NLGN1: variants seen among roughly 807,000 people sequenced by gnomAD.
NLGN1 encodes the protein neuroligin 1.
Under a neutral mutation model 65.5 loss-of-function variants are expected in NLGN1, and 12 were observed. The ratio of observed to expected loss-of-function variants is 0.18; its 90% confidence interval spans 0.12 to 0.30. The LOEUF is 0.30. Ranked by LOEUF, NLGN1 falls within the 10% of genes least tolerant of loss-of-function variation. NLGN1 has a pLI of 1.00. For missense variants in NLGN1, 750 were observed against 1,007.1 expected, an observed-to-expected ratio of 0.74 and a Z score of 3.46; for synonymous variants, 350 against 359.5, an observed-to-expected ratio of 0.97 and a Z score of 0.30.
intron 4 of NLGN1, among the ~76,000 whole-genome samples, chr3:173,839,635 A>G (rs777093518): frequency 6.6e-6 from 1 of 152,038 alleles, no homozygotes; most frequent in Non-Finnish European, 1.5e-5. Context: ...GTTGGCCAGG[A>G]TGGTCTCAAT....
chr3:174,253,233 C>T (rs1328477847), intron 4 of NLGN1, among the ~76,000 whole-genome samples: 1 of 152,044 alleles, frequency 6.6e-6, no homozygotes, highest in Admixed American at 6.6e-5. Flanking sequence ...TTGTAAGTGG[C>T]ATAATAACAA....
At chr3:173,568,672 G>A (rs1302766922) in intron 2 of NLGN1, among the ~76,000 whole-genome samples, 1 of 151,552 alleles carries the variant, frequency 6.6e-6, no homozygotes, top group African/African-American at 2.4e-5. Flanking sequence ...GGAGTGTCTA[G>A]GACTTTTTTG....
chr3:173,782,415 A>G (rs73880581), intron 3 of NLGN1, among the ~76,000 whole-genome samples: 5,036 of 152,296 alleles, frequency 0.033, 283 homozygotes, highest in African/African-American at 0.12. Context: ...TAGAAATGTT[A>G]TAAGAAATAA....
At chr3:173,828,092 C>T (rs1721733630) in intron 4 of NLGN1, among the ~76,000 whole-genome samples, 1 of 152,006 alleles carries the variant, frequency 6.6e-6, no homozygotes, top group South Asian at 2.1e-4. Context: ...ATTCTGCTGG[C>T]TTAAAGAAAA....
chr3:173,633,517 T>C (rs1479795556), intron 3 of NLGN1, among the ~76,000 whole-genome samples: 1 of 152,174 alleles, frequency 6.6e-6, no homozygotes, highest in Non-Finnish European at 1.5e-5. Context: ...TGTAAGTTCC[T>C]GGAAAGAGGA....
chr3:173,832,250 C>A (rs376201981), intron 4 of NLGN1, among the ~76,000 whole-genome samples: 10 of 152,154 alleles, frequency 6.6e-5, no homozygotes, highest in Non-Finnish European at 8.8e-5. Flanking sequence ...AGGCATGATC[C>A]ACTGCACCTG....
intron 3 of NLGN1, among the ~76,000 whole-genome samples, chr3:173,608,595 G>A (rs1252502542): frequency 6.6e-6 from 1 of 151,826 alleles, no homozygotes; most frequent in Non-Finnish European, 1.5e-5. Context: ...GAAAAGTTAG[G>A]TATTCCAACC....
chr3:173,714,649 A>T (rs569450909), intron 3 of NLGN1, among the ~76,000 whole-genome samples: 1 of 152,222 alleles, frequency 6.6e-6, no homozygotes, highest in African/African-American at 2.4e-5. Context: ...GGAGCAAGTG[A>T]TCTCTAAACT....
intron 3 of NLGN1, among the ~76,000 whole-genome samples, chr3:173,710,542 G>C (rs1365469128): frequency 2.0e-5 from 3 of 152,098 alleles, no homozygotes; most frequent in Non-Finnish European, 2.9e-5. Context: ...AATTTCCTAG[G>C]ACTTGGTTTA....
chr3:174,153,682 A>ACTTTT (rs1471039074), intron 4 of NLGN1, among the ~76,000 whole-genome samples: 12 of 152,238 alleles, frequency 7.9e-5, no homozygotes, highest in Non-Finnish European at 1.5e-4. Flanking sequence ...AAAATCAGCT[A>ACTTTT]CATATTGAGC....
intron 2 of NLGN1, among the ~76,000 whole-genome samples, chr3:173,557,278 A>G (rs1260589351): frequency 2.6e-5 from 4 of 151,950 alleles, no homozygotes; most frequent in African/African-American, 4.8e-5. Flanking sequence ...GCCACACCAG[A>G]TCTCTTGTAA....
At chr3:173,695,106 A>AT (rs1472961789) in intron 3 of NLGN1, among the ~76,000 whole-genome samples, 8 of 152,290 alleles carry the variant, frequency 5.3e-5, no homozygotes, top group Admixed American at 3.9e-4. Flanking sequence ...AAAATTAGTC[A>AT]TTTTTTTAAA....
chr3:173,733,377 GAATTGAT>G (rs71964203), intron 3 of NLGN1, among the ~76,000 whole-genome samples: 24,858 of 151,926 alleles, frequency 0.16, 2,047 homozygotes, highest in Non-Finnish European at 0.19. Flanking sequence ...ATTATCACTG[GAATTGAT>G]AAGCTTAATG....
intron 4 of NLGN1, among the ~76,000 whole-genome samples, chr3:174,148,856 C>T (rs937000380): frequency 2.0e-5 from 3 of 152,178 alleles, no homozygotes; most frequent in Non-Finnish European, 4.4e-5. Flanking sequence ...TTGTACTCCA[C>T]ATTTCCACAA....
At chr3:173,584,275 TG>T (rs1268172360) in intron 2 of NLGN1, among the ~76,000 whole-genome samples, 1 of 147,648 alleles carries the variant, frequency 6.8e-6, no homozygotes, top group African/African-American at 2.5e-5. Context: ...GGAGAGGGGA[TG>T]GGAAAAAAAA....
intron 4 of NLGN1, among the ~76,000 whole-genome samples, chr3:174,061,268 C>T (rs1438786564): frequency 6.6e-6 from 1 of 152,064 alleles, no homozygotes; most frequent in Non-Finnish European, 1.5e-5. Flanking sequence ...TATATTGATG[C>T]TATGGGGTTT....
intron 4 of NLGN1, among the ~76,000 whole-genome samples, chr3:174,248,731 A>G (rs1744251417): frequency 6.6e-6 from 1 of 152,246 alleles, no homozygotes; most frequent in African/African-American, 2.4e-5. Flanking sequence ...ACTGCACTGT[A>G]GCCTGGGCAA....
chr3:174,275,627 G>GTT (rs1750401487), intron 5 of NLGN1, 100 bp downstream of exon 5: 2 of 719,804 alleles, frequency 2.8e-6, no homozygotes, highest in Non-Finnish European at 4.7e-6. Flanking sequence ...CAAACTGAGT[G>GTT]TTAGGTTGAA....
At chr3:173,664,705 C>T (rs913393010) in intron 3 of NLGN1, among the ~76,000 whole-genome samples, 4 of 151,946 alleles carry the variant, frequency 2.6e-5, no homozygotes, top group Non-Finnish European at 5.9e-5. Flanking sequence ...TGTATTATGC[C>T]TTATGTGTTA....
Sources: allele counts gnomAD v4.1 joint callset (sites outside exome capture counted in the v4.1 genomes callset), GRCh38; gene constraint gnomAD v4.1.1; transcripts MANE v1.5; gene names NCBI Gene and HGNC (gene_info 2026-07-23, HGNC 2026-07-21).